The following PARP16 variants were observed in gnomAD, a reference collection of about 807,000 sequenced individuals.
PARP16 encodes the protein protein mono-ADP-ribosyltransferase PARP16.
PARP16 carries 31 observed loss-of-function variants against 35.0 expected under a neutral mutation model. That is an observed-to-expected ratio of 0.88 (90% CI 0.66 to 1.19). The LOEUF (loss-of-function observed/expected upper bound fraction) is 1.19. Ranked by LOEUF, PARP16 falls within the 50% of genes most tolerant of loss-of-function variation. The probability of loss-of-function intolerance (pLI) is 0.00; values close to 1 mark genes in which losing one functional copy is unlikely to be tolerated. For missense variants in PARP16, 424 were observed against 411.2 expected (o/e 1.03, Z -0.27); for synonymous variants, 162 against 169.5 (o/e 0.96, Z 0.34).
In PARP16 at chr15:65,259,128, C is replaced by T. The variant is rs2089612476; in HGVS notation, c.*279G>A. 3.2e-6 allele frequency: 1 copy of T among 310,726 alleles called. No homozygotes were observed. Among genetic ancestry groups the T allele is most frequent in the Admixed American group, 4.5e-5 (1 of 22,180 alleles). 19.2% of individuals were successfully genotyped at this position (310,726 alleles called of 1,614,324 possible). A position where few individuals can be genotyped will look rare whatever the true frequency, so the allele number is the denominator to read the frequency against. On this transcript the variant is annotated 3_prime_UTR_variant, in exon 6 of 6. Transcript: ENST00000649807. ...AATGCAGCAGGGCTTTTTCCTTTGG[C>T]CCTGGCTGAAAAGCCAACTCCCTAG...
chr15:65,266,905 T>A, intron 2 of PARP16, 137 bp from the exon 3 acceptor site: 1 of 661,608 alleles, frequency 1.5e-6, no homozygotes. Flanking sequence ...GATAGAGACA[T>A]AAGCAAACTC....
At chr15:65,278,621 G>A (rs1171574154) in intron 1 of PARP16, among the ~76,000 whole-genome samples, 1 of 152,166 alleles carries the variant, frequency 6.6e-6, no homozygotes, top group Non-Finnish European at 1.5e-5. Context: ...CAATCACTTA[G>A]ATCACAAGCT....
At chr15:65,244,639 C>T (rs930371414) in intron 3 of PARP16, among the ~76,000 whole-genome samples, 1 of 152,204 alleles carries the variant, frequency 6.6e-6, no homozygotes, top group Non-Finnish European at 1.5e-5. Context: ...GGGACACAGC[C>T]AAGCCATATG....
At chr15:65,234,132 T>C (rs1209736487), downstream of PARP16, among the ~76,000 whole-genome samples, 4 of 152,122 alleles carry the variant, frequency 2.6e-5, no homozygotes, top group African/African-American at 9.7e-5. Flanking sequence ...ACAGATAAAA[T>C]GTATGTTTTT....
chr15:65,285,898 A>G (rs2140999070), intron 1 of PARP16, among the ~76,000 whole-genome samples: 1 of 152,288 alleles, frequency 6.6e-6, no homozygotes, highest in Non-Finnish European at 1.5e-5. Flanking sequence ...TTGCAAAAGG[A>G]TGGATAACTT....
downstream of PARP16, among the ~76,000 whole-genome samples, chr15:65,254,427 C>T (rs145954424): frequency 7.0e-4 from 106 of 152,274 alleles, 1 homozygote; most frequent in East Asian, 0.019. Context: ...ACACTGTCTC[C>T]ATGGTGCACA....
intron 1 of PARP16, among the ~76,000 whole-genome samples, chr15:65,275,841 C>T (rs2090237579): frequency 6.6e-6 from 1 of 152,208 alleles, no homozygotes; most frequent in African/African-American, 2.4e-5. Context: ...TCCTTGTTAT[C>T]TCAGAGCCAG....
chr15:65,286,666 T>C lies in PARP16; in HGVS notation c.-240A>G, dbSNP rs2090608692. The C allele has an allele frequency of 3.1e-6, 1 of 322,570 alleles. No homozygotes were observed. The allele number at this position is 322,570 out of a possible 1,614,324, so 20.0% of individuals were successfully genotyped here. On this transcript the variant is annotated 5_prime_UTR_variant, in exon 1 of 6. Transcript: ENST00000649807. ...GAGAGACCGAGGCCTGGACCGCGGG[T>C]CGGCGGGGAGGTTGGGCCCAGGGAT...
chr15:65,234,272 G>T (rs1567005200), downstream of PARP16, among the ~76,000 whole-genome samples: 1 of 152,154 alleles, frequency 6.6e-6, no homozygotes, highest in Non-Finnish European at 1.5e-5. Context: ...GTGAGCCACT[G>T]CATCAGGCTC....
intron 3 of PARP16, 80 bp downstream of exon 3, chr15:65,266,482 G>T: frequency 8.2e-7 from 1 of 1,218,060 alleles, no homozygotes; most frequent in Admixed American, 1.7e-5. Flanking sequence ...CAAACTCCTA[G>T]GGTTCTGAAT....
chr15:65,265,298 A>C (rs1430546416), intron 3 of PARP16, among the ~76,000 whole-genome samples: 1 of 152,232 alleles, frequency 6.6e-6, no homozygotes, highest in Non-Finnish European at 1.5e-5. Context: ...CTTAGTACAC[A>C]AAGAGCCCTT....
chr15:65,269,208 T>TTTCTTTCTTTC (rs1332194127), intron 2 of PARP16, among the ~76,000 whole-genome samples: 189 of 97,180 alleles, frequency 1.9e-3, no homozygotes, highest in Non-Finnish European at 3.3e-3. Flanking sequence ...TTCTTTCTTT[T>TTTCTTTCTTTC]TTTTTTGAGA....
intron 1 of PARP16, among the ~76,000 whole-genome samples, chr15:65,275,300 T>C (rs944734999): frequency 1.3e-5 from 2 of 152,278 alleles, no homozygotes. Flanking sequence ...AAGCGCAGCA[T>C]GTAGCTGGGG....
At chr15:65,248,288 CATAA>C in intron 2 of PARP16, 1 of 456,384 alleles carries the variant, frequency 2.2e-6, no homozygotes, top group Non-Finnish European at 4.4e-6. Flanking sequence ...ATTAGTAAAT[CATAA>C]ATCAAGAATG....
intron 2 of PARP16, among the ~76,000 whole-genome samples, chr15:65,268,453 T>C (rs1052436819): frequency 5.3e-5 from 8 of 152,104 alleles, no homozygotes; most frequent in African/African-American, 1.7e-4. Flanking sequence ...TTTGTTGCTG[T>C]TGTTGTTTTT....
At chr15:65,281,269 T>C (rs2090415573) in intron 1 of PARP16, among the ~76,000 whole-genome samples, 1 of 152,222 alleles carries the variant, frequency 6.6e-6, no homozygotes, top group South Asian at 2.1e-4. Flanking sequence ...CATCCAACCC[T>C]GGTCCCAAAA....
rs189195607 is a variant in PARP16, at chr15:65,265,574, C to T, written c.519+988G>A. ...CAGCTCAAGAGGGGAGGGAAAGGAC[C>T]TCTCCTCGGTGCATCTTGGCATATC... On this transcript the variant is annotated intron_variant, in intron 3 of 5. Coordinates refer to ENST00000649807, the MANE Select transcript of PARP16 (RefSeq NM_001316943.2). Among the ~76,000 whole-genome samples, 841 of 152,224 alleles carry T rather than the reference C, an allele frequency of 5.5e-3. 3 individuals are homozygous for T. The highest frequency in any genetic ancestry group is 7.5e-3 in the Non-Finnish European group (509 of 68,018).
chr15:65,235,861 G>GTTTTTT (rs752611247), intron 3 of PARP16, among the ~76,000 whole-genome samples: 1 of 122,002 alleles, frequency 8.2e-6, no homozygotes, highest in Non-Finnish European at 1.7e-5. Context: ...TGCAGATATG[G>GTTTTTT]TTTTTTTTTT....
downstream of PARP16, among the ~76,000 whole-genome samples, chr15:65,232,147 T>A (rs543979768): frequency 6.6e-6 from 1 of 152,198 alleles, no homozygotes. Flanking sequence ...CCCAGCACTT[T>A]GGGAGTGGTA....
Sources: gnomAD v4.1 joint callset for allele counts (sites outside exome capture counted in the v4.1 genomes callset) on GRCh38, gnomAD v4.1.1 for gene constraint, MANE v1.5 for transcripts, NCBI Gene and HGNC (gene_info 2026-07-23, HGNC 2026-07-21) for gene names.